The following LRRTM4 variants were observed in gnomAD, a reference collection of about 807,000 sequenced individuals.
The protein encoded by LRRTM4 is leucine-rich repeat transmembrane neuronal protein 4.
LRRTM4 carries 25 observed loss-of-function variants against 47.6 expected under a neutral mutation model. The observed-to-expected ratio is 0.53, with a 90% CI of 0.38 to 0.73. The LOEUF (loss-of-function observed/expected upper bound fraction) is 0.73, where lower values mean the gene tolerates loss of function less well. Among genes scored for constraint, LRRTM4 ranks in the 30% least tolerant of loss-of-function variants. LRRTM4 has a pLI of 0.00. For missense variants in LRRTM4, 638 were observed against 713.4 expected (o/e 0.89, Z 1.20); for synonymous variants, 311 against 269.5 (o/e 1.15, Z -1.51).
intron 3 of LRRTM4, among the ~76,000 whole-genome samples, chr2:76,844,613 C>A (rs913052136): frequency 5.3e-5 from 8 of 149,802 alleles, no homozygotes; most frequent in Non-Finnish European, 1.2e-4. Context: ...AGCCAAGAAG[C>A]AAACAATGTA....
At chr2:77,270,960 G>A (rs1219579495) in intron 3 of LRRTM4, among the ~76,000 whole-genome samples, 3 of 152,114 alleles carry the variant, frequency 2.0e-5, no homozygotes, top group African/African-American at 7.2e-5. Flanking sequence ...TCCCCATTCT[G>A]AGTCCTATGA....
intron 3 of LRRTM4, among the ~76,000 whole-genome samples, chr2:77,258,586 T>TA (rs1304087659): frequency 6.6e-6 from 1 of 151,364 alleles, no homozygotes; most frequent in Non-Finnish European, 1.5e-5. Context: ...ATTTCAAAAT[T>TA]AAAAATTAGG....
At chr2:77,139,694 G>A (rs1457975200) in intron 3 of LRRTM4, among the ~76,000 whole-genome samples, 3 of 152,182 alleles carry the variant, frequency 2.0e-5, no homozygotes, top group African/African-American at 7.2e-5. Context: ...GTCCCTGTTT[G>A]TAGATGATAT....
chr2:76,981,038 G>A lies in LRRTM4; in HGVS notation c.1552-232122C>T, dbSNP rs10211571. Among the ~76,000 whole-genome samples the A allele has an allele frequency of 7.7e-3, 1,166 of 152,146 alleles. 11 individuals carry two copies. The highest frequency in any genetic ancestry group is 0.027 in the African/African-American group (1,111 of 41,536). ...AATGACTTGATTAATGTAGTTATCA[G>A]ATGCTGCTTAACTCAGTTACAAGTG... On this transcript the variant is annotated intron_variant, in intron 3 of 3. Coordinates refer to ENST00000409884, the MANE Select transcript of LRRTM4 (RefSeq NM_001134745.3).
At chr2:77,232,386 A>G (rs560005023) in intron 3 of LRRTM4, among the ~76,000 whole-genome samples, 16 of 152,258 alleles carry the variant, frequency 1.1e-4, no homozygotes, top group Admixed American at 2.6e-4. Context: ...GTATCTTTCC[A>G]TGTTATTCTT....
chr2:76,823,755 TC>T (rs773236919), intron 3 of LRRTM4, among the ~76,000 whole-genome samples: 191 of 151,450 alleles, frequency 1.3e-3, no homozygotes, highest in Non-Finnish European at 2.6e-3. Context: ...ACACATTAAG[TC>T]TTCTAGATAT....
intron 3 of LRRTM4, among the ~76,000 whole-genome samples, chr2:77,437,123 C>A (rs1342835875): frequency 6.6e-6 from 1 of 151,898 alleles, no homozygotes; most frequent in Non-Finnish European, 1.5e-5. Flanking sequence ...ATTAAGATGA[C>A]CTTTCAATAT....
At chr2:76,886,820 T>A (rs1434105017) in intron 3 of LRRTM4, among the ~76,000 whole-genome samples, 1 of 151,992 alleles carries the variant, frequency 6.6e-6, no homozygotes, top group African/African-American at 2.4e-5. Context: ...TCCTGATAGA[T>A]TTAAAAGAAT....
Position 77,156,326 on chromosome 2 carries a change from C to CAAAA in LRRTM4, c.1551+361988_1551+361991dup, listed in dbSNP as rs11465198. Among the ~76,000 whole-genome samples the CAAAA allele has an allele frequency of 2.6e-3, 375 of 146,540 alleles. 4 individuals carry two copies. The highest frequency in any genetic ancestry group is 7.2e-3 in the Middle Eastern group (2 of 278). On this transcript the variant is annotated intron_variant, in intron 3 of 3. Transcript: ENST00000409884. Reference sequence around the variant, plus strand: ...ACAAACATAAGTAAAAGACACAATACAAAAAAAAACAGAAAAAAGTCATAT... The same window carrying CAAAA: ...ACAAACATAAGTAAAAGACACAATACAAAAAAAAAAAAACAGAAAAAAGTCATAT...
intron 3 of LRRTM4, among the ~76,000 whole-genome samples, chr2:77,423,122 G>A (rs1195980464): frequency 6.6e-6 from 1 of 151,918 alleles, no homozygotes; most frequent in Non-Finnish European, 1.5e-5. Context: ...CATTTTAAGA[G>A]TTGCTTTATT....
intron 3 of LRRTM4, among the ~76,000 whole-genome samples, chr2:77,061,854 C>A (rs1470674254): frequency 6.6e-6 from 1 of 152,072 alleles, no homozygotes; most frequent in African/African-American, 2.4e-5. Context: ...ATCATCACTG[C>A]CTGATGAATA....
intron 3 of LRRTM4, among the ~76,000 whole-genome samples, chr2:76,862,531 T>C (rs932745941): frequency 1.3e-5 from 2 of 152,198 alleles, no homozygotes; most frequent in Non-Finnish European, 2.9e-5. Flanking sequence ...GTCATTGCTC[T>C]GGACTAGATA....
intron 3 of LRRTM4, among the ~76,000 whole-genome samples, chr2:77,079,464 GAC>G (rs1479942367): frequency 6.6e-6 from 1 of 152,148 alleles, no homozygotes; most frequent in Non-Finnish European, 1.5e-5. Flanking sequence ...TGTGGCCAAG[GAC>G]ACTTTGAATG....
At chr2:77,348,646 AAATAGCATTTTGCTTATATAT>A (rs1270449162) in intron 3 of LRRTM4, among the ~76,000 whole-genome samples, 2 of 150,622 alleles carry the variant, frequency 1.3e-5, no homozygotes, top group Admixed American at 6.6e-5. Flanking sequence ...TTTTTTTAAA[AAATAGCATTTTGCTTATATAT>A]AATCTTTAAA....
intron 3 of LRRTM4, among the ~76,000 whole-genome samples, chr2:76,811,693 T>G (rs1670739019): frequency 6.6e-6 from 1 of 152,174 alleles, no homozygotes; most frequent in South Asian, 2.1e-4. Context: ...ATGTATGACT[T>G]GTGCACCCAT....
intron 3 of LRRTM4, among the ~76,000 whole-genome samples, chr2:77,090,377 G>A (rs1670568211): frequency 6.6e-6 from 1 of 151,940 alleles, no homozygotes; most frequent in Non-Finnish European, 1.5e-5. Flanking sequence ...ACCCTAAAAG[G>A]TCAAAAGGTC....
At chr2:77,386,313 C>G (rs1673270672) in intron 3 of LRRTM4, among the ~76,000 whole-genome samples, 1 of 151,864 alleles carries the variant, frequency 6.6e-6, no homozygotes, top group Admixed American at 6.6e-5. Flanking sequence ...ACAATATTAC[C>G]TCTTAAGTTA....
intron 3 of LRRTM4, among the ~76,000 whole-genome samples, chr2:77,225,712 T>A (rs1430229365): frequency 6.6e-6 from 1 of 152,116 alleles, no homozygotes; most frequent in Non-Finnish European, 1.5e-5. Context: ...TGAATGTTGA[T>A]GAAATACACA....
chr2:76,789,947 C>T (rs1674885992), intron 3 of LRRTM4, among the ~76,000 whole-genome samples: 1 of 152,136 alleles, frequency 6.6e-6, no homozygotes, highest in Non-Finnish European at 1.5e-5. Flanking sequence ...TTGCAGTCCC[C>T]AGGACAACGG....
Sources: allele counts gnomAD v4.1 joint callset (sites outside exome capture counted in the v4.1 genomes callset), GRCh38; gene constraint gnomAD v4.1.1; transcripts MANE v1.5; gene names NCBI Gene and HGNC (gene_info 2026-07-23, HGNC 2026-07-21).